Variants in SP4 observed in about 807,000 individuals in gnomAD.
SP4 encodes transcription factor Sp4.
In SP4, 19 loss-of-function variants were observed where a neutral mutation model predicts 72.8. That is an observed-to-expected ratio of 0.26 (90% CI 0.18 to 0.38). The LOEUF (loss-of-function observed/expected upper bound fraction) is 0.38. Among genes scored for constraint, SP4 ranks in the 10% least tolerant of loss-of-function variants. The pLI is 1.00. For missense variants in SP4, 1,008 were observed against 926.3 expected (o/e 1.09, Z -1.14); for synonymous variants, 395 against 333.1 (o/e 1.19, Z -2.02).
At chr7:21,471,812 C>A (rs1458470355) in intron 3 of SP4, among the ~76,000 whole-genome samples, 1 of 152,060 alleles carries the variant, frequency 6.6e-6, no homozygotes, top group African/African-American at 2.4e-5. Flanking sequence ...CTAGCCTGGG[C>A]AAGAGAGCAA....
At chr7:21,509,691 A>G (rs1291713366) in intron 5 of SP4, among the ~76,000 whole-genome samples, 1 of 152,214 alleles carries the variant, frequency 6.6e-6, no homozygotes, top group South Asian at 2.1e-4. Context: ...ACACGTAAAG[A>G]AAAAGAGAAT....
At chr7:21,447,549 A>T (rs1454955577) in intron 3 of SP4, among the ~76,000 whole-genome samples, 1 of 152,256 alleles carries the variant, frequency 6.6e-6, no homozygotes, top group African/African-American at 2.4e-5. Context: ...AAGAGGTCTC[A>T]TTAGAACAGT....
rs2128388871 is a variant in SP4 at position 21,430,793 on chromosome 7, C to T, written c.1628C>T (p.Ala543Val). ...ACAGTGAGCGTTGCCAACCTGGGTG[C>T]TGCAGGTGTTCAAGTGCAGGGAGTT... is the stretch of plus-strand genomic sequence containing the variant. ...LQTVSVANLG[A>V]AGVQVQGVPV... Residue 543 changes from alanine to valine, a missense_variant, in exon 3 of 6, where the codon GCT (alanine) becomes GTT (valine). By Grantham distance (64) the Ala-to-Val change is moderately conservative. Coordinates refer to ENST00000222584, the MANE Select transcript of SP4 (RefSeq NM_003112.5). 1 of 1,614,130 alleles carries T rather than the reference C, an allele frequency of 6.2e-7. No homozygotes were observed. Among genetic ancestry groups the T allele is most frequent in the South Asian group, 1.1e-5 (1 of 91,078 alleles).
chr7:21,479,638 A>G (rs1002416678), intron 4 of SP4, among the ~76,000 whole-genome samples: 1 of 152,208 alleles, frequency 6.6e-6, no homozygotes, highest in Non-Finnish European at 1.5e-5. Flanking sequence ...TGTGAATTTT[A>G]GAATCAGTTT....
chr7:21,466,661 A>G (rs1208196621), intron 3 of SP4, among the ~76,000 whole-genome samples: 1 of 152,206 alleles, frequency 6.6e-6, no homozygotes, highest in Admixed American at 6.5e-5. Flanking sequence ...TTTAAGAGAT[A>G]CAGAAGGTAC....
Position 21,428,176 on chromosome 7 carries a change from T to TCCA in SP4, c.-74_-73insACC. On this transcript the variant is annotated 5_prime_UTR_variant, in exon 1 of 6. Coordinates refer to ENST00000222584, the MANE Select transcript of SP4 (RefSeq NM_003112.5). ...ACCGCGGGCGGGCGGGACCGGCCTCTCCTCCCGCCTCGCCCCCACCCCCAC... is the reference window on the plus strand; with the variant it reads ...ACCGCGGGCGGGCGGGACCGGCCTCTCCACCTCCCGCCTCGCCCCCACCCCCAC... The TCCA allele has an allele frequency of 4.2e-6, 3 of 718,778 alleles. No individual in the cohort carries two copies. Among genetic ancestry groups the TCCA allele is most frequent in the Non-Finnish European group, 5.0e-6 (2 of 396,142 alleles). The allele number at this position is 718,778 out of a possible 1,614,324, so 44.5% of individuals were successfully genotyped here.
At chr7:21,467,438 A>G (rs963108492) in intron 3 of SP4, among the ~76,000 whole-genome samples, 1 of 152,142 alleles carries the variant, frequency 6.6e-6, no homozygotes, top group Admixed American at 6.5e-5. Context: ...AGAGTTTTGC[A>G]GCTATCACCA....
chr7:21,477,473 A>C (rs933265521), intron 4 of SP4, among the ~76,000 whole-genome samples, 166 bp downstream of exon 4: 1 of 152,226 alleles, frequency 6.6e-6, no homozygotes, highest in African/African-American at 2.4e-5. Context: ...TTTAGGAATG[A>C]AATTTGAGCG....
chr7:21,491,532 A>G (rs1784977281), intron 5 of SP4, among the ~76,000 whole-genome samples: 1 of 152,178 alleles, frequency 6.6e-6, no homozygotes, highest in South Asian at 2.1e-4. Context: ...TTCCCATGTT[A>G]GGTATAATAG....
intron 3 of SP4, among the ~76,000 whole-genome samples, chr7:21,447,062 T>C (rs1388434694): frequency 6.6e-6 from 1 of 152,188 alleles, no homozygotes; most frequent in South Asian, 2.1e-4. Flanking sequence ...CCCTAAACCC[T>C]TGGGCATGTA....
intron 3 of SP4, among the ~76,000 whole-genome samples, chr7:21,475,529 T>C (rs372232464): frequency 1.3e-5 from 2 of 152,058 alleles, no homozygotes; most frequent in African/African-American, 4.8e-5. Flanking sequence ...CAGTCTCAGC[T>C]CACTGCAAGC....
intron 5 of SP4, among the ~76,000 whole-genome samples, chr7:21,496,228 A>G (rs1257872410): frequency 6.6e-6 from 1 of 152,180 alleles, no homozygotes; most frequent in Non-Finnish European, 1.5e-5. Context: ...ACTCTATACC[A>G]AAAAAATGAA....
rs192561449 is a variant in SP4 at position 21,496,708 on chromosome 7, T to A, written c.2108-14314T>A. Reference sequence around the variant, plus strand: ...TTTTTTTTCAAATTGGGGAAGTTTTTACCTATTTTTCAAATATTCTTTCTT... The same window carrying A: ...TTTTTTTTCAAATTGGGGAAGTTTTAACCTATTTTTCAAATATTCTTTCTT... On this transcript the variant is annotated intron_variant, in intron 5 of 5. Coordinates refer to ENST00000222584, the MANE Select transcript of SP4 (RefSeq NM_003112.5). 7.2e-3 allele frequency among the ~76,000 whole-genome samples: 1,104 copies of A among 152,336 alleles called. 7 individuals carry two copies. The highest frequency in any genetic ancestry group is 0.013 in the Non-Finnish European group (858 of 68,024).
At chr7:21,451,221 G>C (rs1234853273) in intron 3 of SP4, among the ~76,000 whole-genome samples, 1 of 152,116 alleles carries the variant, frequency 6.6e-6, no homozygotes, top group Non-Finnish European at 1.5e-5. Context: ...GTGTATGCTT[G>C]AGCTCACTCG....
At chr7:21,435,985 AC>A in intron 3 of SP4, among the ~76,000 whole-genome samples, 1 of 151,968 alleles carries the variant, frequency 6.6e-6, no homozygotes, top group South Asian at 2.1e-4. Context: ...TCCAACCTCC[AC>A]CTCCTGGGTT....
intron 5 of SP4, among the ~76,000 whole-genome samples, chr7:21,485,125 T>A (rs1784778392): frequency 6.6e-6 from 1 of 152,002 alleles, no homozygotes; most frequent in African/African-American, 2.4e-5. Flanking sequence ...GTTTGTTAAA[T>A]TTGTCTAAAA....
At chr7:21,474,952 A>G (rs1262826583) in intron 3 of SP4, among the ~76,000 whole-genome samples, 2 of 152,172 alleles carry the variant, frequency 1.3e-5, no homozygotes, top group Non-Finnish European at 2.9e-5. Flanking sequence ...GGAGAGTGAG[A>G]TTGACTTTGG....
chr7:21,454,930 A>G (rs191332262), intron 3 of SP4, among the ~76,000 whole-genome samples: 2 of 152,136 alleles, frequency 1.3e-5, no homozygotes, highest in South Asian at 4.1e-4. Context: ...TTTGGAGGAG[A>G]GTTGATCAGA....
rs181731672 is a variant in SP4, at chr7:21,505,438, G to A, written c.2108-5584G>A. Among the ~76,000 whole-genome samples the A allele has an allele frequency of 2.6e-5, 4 of 152,284 alleles. No homozygotes were observed. The East Asian group carries it at 7.7e-4, about 29-fold the overall frequency. ...TGTATTGTAACAACTGGGTTCCCCT[G>A]GAAGGTTGAAATTCCTCCAGGACTT... On this transcript the variant is annotated intron_variant, in intron 5 of 5. Transcript: ENST00000222584.
Sources: allele counts gnomAD v4.1 joint callset (sites outside exome capture counted in the v4.1 genomes callset), GRCh38; gene constraint gnomAD v4.1.1; transcripts MANE v1.5; gene names NCBI Gene and HGNC (gene_info 2026-07-23, HGNC 2026-07-21).